DDC: variants seen among roughly 807,000 people sequenced by gnomAD.
DDC encodes aromatic-L-amino-acid decarboxylase.
In DDC, 43 loss-of-function variants were observed where a neutral mutation model predicts 60.0. That is an observed-to-expected ratio of 0.72 (90% confidence interval 0.56 to 0.92). DDC has a LOEUF of 0.92. Among genes scored for constraint, DDC ranks in the 40% least tolerant of loss-of-function variants. The pLI is 0.00. For missense variants in DDC, 573 were observed against 620.2 expected, an observed-to-expected ratio of 0.92 and a Z score of 0.81; for synonymous variants, 232 against 234.6, an observed-to-expected ratio of 0.99 and a Z score of 0.10.
At chr7:50,487,604 G>A (rs2042913725) in intron 9 of DDC, among the ~76,000 whole-genome samples, 1 of 151,954 alleles carries the variant, frequency 6.6e-6, no homozygotes, top group African/African-American at 2.4e-5. Context: ...GACTGTTTAT[G>A]TGTGCTTAGG....
chr7:50,491,647 A>T (rs2042999754), intron 9 of DDC, among the ~76,000 whole-genome samples: 1 of 152,238 alleles, frequency 6.6e-6, no homozygotes, highest in South Asian at 2.1e-4. Context: ...CTAAGCAGAA[A>T]GCTACAGATA....
At chr7:50,480,196 G>A (rs1327416458) in intron 9 of DDC, among the ~76,000 whole-genome samples, 2 of 152,180 alleles carry the variant, frequency 1.3e-5, no homozygotes, top group Non-Finnish European at 2.9e-5. Context: ...GTAGGGGGCT[G>A]GAGATGAGTT....
chr7:50,471,468 G>A (rs2042530750), intron 11 of DDC, among the ~76,000 whole-genome samples: 2 of 152,220 alleles, frequency 1.3e-5, no homozygotes, highest in African/African-American at 4.8e-5. Flanking sequence ...CAAGGGCCCA[G>A]AGCCATGGTT....
chr7:50,529,895 A>G (rs2044149613), intron 4 of DDC, among the ~76,000 whole-genome samples: 1 of 152,186 alleles, frequency 6.6e-6, no homozygotes, highest in Non-Finnish European at 1.5e-5. Context: ...AGATGTGACC[A>G]TATTTGGAGA....
chr7:50,479,722 C>A, intron 10 of DDC, 65 bp downstream of exon 10: 1 of 1,414,284 alleles, frequency 7.1e-7, no homozygotes, highest in Non-Finnish European at 1.0e-6. Flanking sequence ...TCCCAGGGAC[C>A]TCCAGGGCAG....
intron 4 of DDC, among the ~76,000 whole-genome samples, chr7:50,535,576 G>A (rs1188816534): frequency 6.6e-6 from 1 of 152,276 alleles, no homozygotes; most frequent in Non-Finnish European, 1.5e-5. Context: ...GGGTCATGGA[G>A]AAGGCAGTCA....
chr7:50,471,312 G>T (rs897967700), intron 11 of DDC, among the ~76,000 whole-genome samples: 1 of 152,158 alleles, frequency 6.6e-6, no homozygotes, highest in Non-Finnish European at 1.5e-5. Context: ...CCCAGGAGGC[G>T]GAGGTTGCAG....
intron 9 of DDC, among the ~76,000 whole-genome samples, chr7:50,490,687 T>TCAACAA (rs920673766): frequency 2.6e-5 from 4 of 152,022 alleles, no homozygotes; most frequent in East Asian, 1.9e-4. Context: ...AGGCTCTGTC[T>TCAACAA]CAACAACAAC....
chr7:50,554,371 C>T (rs2045111011), intron 1 of DDC, among the ~76,000 whole-genome samples: 1 of 152,062 alleles, frequency 6.6e-6, no homozygotes, highest in Non-Finnish European at 1.5e-5. Flanking sequence ...TTCCTTTATA[C>T]CTGAAACTGC....
intron 14 of DDC, among the ~76,000 whole-genome samples, chr7:50,462,226 C>CAAAAAAAAAAAAAAAAAAAAAAAAA (rs11410259): frequency 5.3e-5 from 4 of 75,362 alleles, no homozygotes; most frequent in East Asian, 4.5e-4. Flanking sequence ...GACAAAAAGA[C>CAAAAAAAAAAAAAAAAAAAAAAAAA]AAAAAAAAAA....
intron 8 of DDC, among the ~76,000 whole-genome samples, chr7:50,498,036 G>C (rs2043163231): frequency 6.6e-6 from 1 of 152,198 alleles, no homozygotes; most frequent in South Asian, 2.1e-4. Context: ...CTAAGACGTA[G>C]TAGAAAATCA....
chr7:50,469,254 TTAAAA>T lies in DDC; in HGVS notation c.1140+814_1140+818del, dbSNP rs1166832438. 4.0e-5 allele frequency among the ~76,000 whole-genome samples: 5 copies of T among 124,806 alleles called. 1 individual carries two copies. Among genetic ancestry groups the T allele is most frequent in the Non-Finnish European group, 5.0e-5 (3 of 60,332 alleles). The allele number at this position is 124,806 out of a possible 152,430, so 81.9% of individuals were successfully genotyped here. ...CCACCACACCCAGCCAATTGTTATTTTAAAAAAAAAAAAAAAAAAAAAAGCAGGGG... is the reference window on the plus strand; with the variant it reads ...CCACCACACCCAGCCAATTGTTATTTAAAAAAAAAAAAAAAAAAGCAGGGG... On this transcript the variant is annotated intron_variant, in intron 12 of 14. Transcript: ENST00000444124.
chr7:50,511,060 C>T (rs199837209), intron 6 of DDC, among the ~76,000 whole-genome samples: 29,094 of 136,732 alleles, frequency 0.21, 3,299 homozygotes, highest in Admixed American at 0.33. Context: ...TATACACACA[C>T]ACACACACAC....
At chr7:50,491,168 A>G (rs1408343991) in intron 9 of DDC, among the ~76,000 whole-genome samples, 6 of 152,216 alleles carry the variant, frequency 3.9e-5, no homozygotes, top group African/African-American at 1.2e-4. Flanking sequence ...TGTAAACTGA[A>G]GCTAGACAAC....
At chr7:50,540,704 C>T (rs1221415291) in intron 2 of DDC, among the ~76,000 whole-genome samples, 1 of 152,188 alleles carries the variant, frequency 6.6e-6, no homozygotes. Flanking sequence ...GGGCATCCCA[C>T]CTTTCTCCAG....
At chr7:50,497,162 G>A (rs557545188) in intron 8 of DDC, among the ~76,000 whole-genome samples, 1 of 152,292 alleles carries the variant, frequency 6.6e-6, no homozygotes, top group South Asian at 2.1e-4. Flanking sequence ...GGCCACAACA[G>A]GATATTGCAG....
chr7:50,507,362 C>T lies in DDC; in HGVS notation c.715-3303G>A, dbSNP rs558866610. 1.2e-4 allele frequency among the ~76,000 whole-genome samples: 19 copies of T among 152,150 alleles called. No individual in the cohort carries two copies. The East Asian group carries it at 1.4e-3, about 11-fold the overall frequency. On this transcript the variant is annotated intron_variant, in intron 6 of 14. Coordinates refer to ENST00000444124, the MANE Select transcript of DDC (RefSeq NM_001082971.2). ...AAGTGATTCTCCTGCCTCAGTCTCC[C>T]GAGTAGCTGGGATTACAGGCACCAC...
intron 6 of DDC, among the ~76,000 whole-genome samples, chr7:50,513,312 G>A (rs892922822): frequency 6.6e-6 from 1 of 152,220 alleles, no homozygotes; most frequent in Admixed American, 6.5e-5. Context: ...AGAGGAAGCA[G>A]CAGAAAGGCA....
intron 1 of DDC, among the ~76,000 whole-genome samples, chr7:50,557,324 A>G (rs940856335): frequency 1.3e-5 from 2 of 152,222 alleles, no homozygotes; most frequent in Admixed American, 6.5e-5. Context: ...CCTCCCATGG[A>G]AAGATGCTAC....
Sources: gnomAD v4.1 joint callset for allele counts (sites outside exome capture counted in the v4.1 genomes callset) on GRCh38, gnomAD v4.1.1 for gene constraint, MANE v1.5 for transcripts, NCBI Gene and HGNC (gene_info 2026-07-23, HGNC 2026-07-21) for gene names.